The following MCUR1 variants were observed in gnomAD, a reference collection of about 807,000 sequenced individuals.
MCUR1 encodes the protein mitochondrial calcium uniporter regulator 1.
A neutral mutation model predicts 42.0 loss-of-function variants in MCUR1; 37 were observed. The observed-to-expected ratio is 0.88, with a 90% CI of 0.68 to 1.16. The LOEUF is 1.16. Among genes scored for constraint, MCUR1 ranks in the 50% most tolerant of loss-of-function variants. MCUR1 has a pLI of 0.00. For synonymous variants in MCUR1, 229 were observed against 196.2 expected (o/e 1.17, Z -1.40); for missense variants, 469 against 468.4 (o/e 1.00, Z -0.01).
chr6:13,803,340 C>A (rs568411798), intron 2 of MCUR1, among the ~76,000 whole-genome samples: 1 of 152,166 alleles, frequency 6.6e-6, no homozygotes, highest in East Asian at 1.9e-4. Flanking sequence ...GGATTACAGG[C>A]GCAAGCCACC....
intron 1 of MCUR1, among the ~76,000 whole-genome samples, chr6:13,807,337 C>T (rs572249690): frequency 1.3e-5 from 2 of 152,308 alleles, no homozygotes; most frequent in Admixed American, 6.5e-5. Context: ...CAACCATACC[C>T]AGGACAAGCA....
At chr6:13,813,902 G>T in intron 1 of MCUR1, 113 bp downstream of exon 1, 1 of 1,132,334 alleles carries the variant, frequency 8.8e-7, no homozygotes, top group Non-Finnish European at 1.1e-6. Context: ...GGCCTTGGAG[G>T]ACCCGCCCTC....
chr6:13,793,143 A>AG (rs1169388773), intron 7 of MCUR1, among the ~76,000 whole-genome samples: 8 of 151,480 alleles, frequency 5.3e-5, no homozygotes, highest in South Asian at 2.1e-4. Flanking sequence ...AAAAAAAAAA[A>AG]AAAGAAAGAA....
At chr6:13,795,127 AAAAAAAAAG>A (rs1759827009) in intron 6 of MCUR1, among the ~76,000 whole-genome samples, 1 of 151,790 alleles carries the variant, frequency 6.6e-6, no homozygotes, top group Admixed American at 6.6e-5. Context: ...GAAGTAGAAA[AAAAAAAAAG>A]AAAAAAAAGA....
intron 5 of MCUR1, among the ~76,000 whole-genome samples, chr6:13,799,186 C>T (rs1759930469): frequency 6.7e-6 from 1 of 149,358 alleles, no homozygotes; most frequent in African/African-American, 2.5e-5. Context: ...TTGTTGCTGC[C>T]ATTTTTTTTT....
chr6:13,797,491 G>A (rs566951106), intron 6 of MCUR1, among the ~76,000 whole-genome samples: 6 of 148,036 alleles, frequency 4.1e-5, no homozygotes, highest in African/African-American at 1.0e-4. Context: ...GGCGGATCAC[G>A]AGGTCAGGAG....
At chr6:13,798,962 A>T in intron 5 of MCUR1, 58 bp from the exon 6 acceptor site, 1 of 1,046,366 alleles carries the variant, frequency 9.6e-7, no homozygotes, top group Non-Finnish European at 1.5e-6. Context: ...CCCAAACTCT[A>T]TGAGGACGTG....
intron 4 of MCUR1, among the ~76,000 whole-genome samples, chr6:13,800,698 G>T (rs571437698): frequency 3.3e-5 from 5 of 152,170 alleles, no homozygotes; most frequent in African/African-American, 1.2e-4. Flanking sequence ...ACAACCTAGA[G>T]AGTCTGAAAC....
At chr6:13,790,947 A>G in intron 8 of MCUR1, 83 bp from the exon 9 acceptor site, 3 of 1,103,116 alleles carry the variant, frequency 2.7e-6, no homozygotes, top group Non-Finnish European at 4.0e-6. Context: ...AAAACCTAAA[A>G]AAGAAAACCT....
chr6:13,792,130 C>G (rs1477963042), intron 7 of MCUR1, 138 bp from the exon 8 acceptor site: 1 of 660,288 alleles, frequency 1.5e-6, no homozygotes, highest in Non-Finnish European at 2.7e-6. Flanking sequence ...AGTCTCAGTT[C>G]TAAAACCCTA....
chr6:13,802,289 G>C lies in MCUR1; in HGVS notation c.593C>G (p.Ala198Gly). The C allele has an allele frequency of 6.2e-7, 1 of 1,613,874 alleles. No homozygotes were observed. Among genetic ancestry groups the C allele is most frequent in the Non-Finnish European group, 8.5e-7 (1 of 1,179,862 alleles). ...IVSALVKILEANMDIVYKDMV... is the reference protein window; with the variant it reads ...IVSALVKILEGNMDIVYKDMV... ...ATCTTTGTAGACGATGTCCATGTTG[G>C]CCTCCAGGATCTTGACCAATGCAGA... The change falls in exon 3 of 9, where the codon GCC becomes GGC. Residue 198 changes from alanine (A) to glycine (G), a missense_variant. By Grantham distance (60) the Ala-to-Gly change is moderately conservative. Coordinates refer to ENST00000379170, the MANE Select transcript of MCUR1 (RefSeq NM_001031713.4).
chr6:13,803,124 C>T (rs753514639), intron 2 of MCUR1, among the ~76,000 whole-genome samples: 12 of 151,978 alleles, frequency 7.9e-5, no homozygotes, highest in Non-Finnish European at 1.3e-4. Flanking sequence ...TGCAATGGCG[C>T]GATCTCAGCT....
rs1759660374 is a variant in MCUR1 at position 13,788,769 on chromosome 6, GAAA to G, written c.*2037_*2039del. 1.3e-5 allele frequency: 2 copies of G among 152,172 alleles called. No individual in the cohort carries two copies. The highest frequency in any genetic ancestry group is 4.1e-4 in the South Asian group (2 of 4,826). 9.4% of individuals were successfully genotyped at this position (152,172 alleles called of 1,614,324 possible). On this transcript the variant is annotated 3_prime_UTR_variant, in exon 9 of 9. Coordinates refer to ENST00000379170, the MANE Select transcript of MCUR1 (RefSeq NM_001031713.4). ...TCAGTTAAGAATTTTTGATCTACTT[GAAA>G]AAGATTAAATTATAATATTTCACTT... is the stretch of plus-strand genomic sequence containing the variant.
chr6:13,792,565 C>T (rs540222706), intron 7 of MCUR1, among the ~76,000 whole-genome samples: 4 of 152,292 alleles, frequency 2.6e-5, no homozygotes, highest in South Asian at 2.1e-4. Flanking sequence ...TGGCTACCCA[C>T]GGCCAATTTG....
intron 4 of MCUR1, among the ~76,000 whole-genome samples, chr6:13,800,642 G>A (rs1440170611): frequency 2.0e-5 from 3 of 152,058 alleles, no homozygotes; most frequent in South Asian, 2.1e-4. Flanking sequence ...TATCTCCTTC[G>A]GTTTATCTTT....
At chr6:13,812,472 T>C (rs1403945505) in intron 1 of MCUR1, among the ~76,000 whole-genome samples, 1 of 152,350 alleles carries the variant, frequency 6.6e-6, no homozygotes, top group Non-Finnish European at 1.5e-5. Context: ...CACTCTCTTT[T>C]TGCCCTATAC....
At chr6:13,806,016 G>A (rs555581123) in intron 2 of MCUR1, among the ~76,000 whole-genome samples, 1 of 152,252 alleles carries the variant, frequency 6.6e-6, no homozygotes, top group South Asian at 2.1e-4. Context: ...AGCACTTTAG[G>A]AGGCTGAGGC....
intron 6 of MCUR1, among the ~76,000 whole-genome samples, chr6:13,794,463 C>T (rs1759809596): frequency 6.6e-6 from 1 of 152,046 alleles, no homozygotes; most frequent in Non-Finnish European, 1.5e-5. Flanking sequence ...TAGGAGCTAT[C>T]CCATCATAAC....
chr6:13,790,928 T>C (rs1239917438), intron 8 of MCUR1, 64 bp from the exon 9 acceptor site: 2 of 1,286,006 alleles, frequency 1.6e-6, no homozygotes, highest in Non-Finnish European at 2.2e-6. Context: ...GGGAACATCT[T>C]TTTTTAAGAA....
Sources: gnomAD v4.1 joint callset for allele counts (sites outside exome capture counted in the v4.1 genomes callset) on GRCh38, gnomAD v4.1.1 for gene constraint, MANE v1.5 for transcripts, NCBI Gene and HGNC (gene_info 2026-07-23, HGNC 2026-07-21) for gene names.